Variants in ELMO1 observed in about 807,000 individuals in gnomAD.
The protein encoded by ELMO1 is engulfment and cell motility 1, also known as engulfment and cell motility protein 1.
ELMO1 carries 26 observed loss-of-function variants against 98.9 expected under a neutral mutation model. The ratio of observed to expected loss-of-function variants is 0.26; its 90% CI spans 0.19 to 0.36. The LOEUF is 0.36. Among genes scored for constraint, ELMO1 ranks in the 10% least tolerant of loss-of-function variants. ELMO1 has a pLI of 1.00. For missense variants in ELMO1, 627 were observed against 935.2 expected, an observed-to-expected ratio of 0.67 and a Z score of 4.30; for synonymous variants, 346 against 346.0, an observed-to-expected ratio of 1.00 and a Z score of 0.00.
intron 1 of ELMO1, among the ~76,000 whole-genome samples, chr7:37,365,868 T>C (rs1801885623): frequency 6.6e-6 from 1 of 152,246 alleles, no homozygotes; most frequent in Admixed American, 6.5e-5. Context: ...GTGCAGTGTT[T>C]TTAAGTTTCA....
chr7:37,185,957 A>G (rs1009945718), intron 13 of ELMO1, among the ~76,000 whole-genome samples: 3 of 152,226 alleles, frequency 2.0e-5, no homozygotes, highest in Non-Finnish European at 2.9e-5. Flanking sequence ...CGTAGAAATC[A>G]ACAAGACAAT....
intron 13 of ELMO1, among the ~76,000 whole-genome samples, chr7:37,163,884 C>T (rs1319715899): frequency 6.6e-6 from 1 of 152,186 alleles, no homozygotes; most frequent in Non-Finnish European, 1.5e-5. Flanking sequence ...AATGGTATTT[C>T]TAGTTCTAGA....
In ELMO1 at chr7:37,290,891, C is replaced by T. The variant is rs60635300; in HGVS notation, c.193-19009G>A. ...TGATGACAGAGAAGAAGAGGAAGAACAGAGGAAGAGAAAAAGAAGAACAAG... is the reference window on the plus strand; with the variant it reads ...TGATGACAGAGAAGAAGAGGAAGAATAGAGGAAGAGAAAAAGAAGAACAAG... On this transcript the variant is annotated intron_variant, in intron 4 of 21. Coordinates refer to ENST00000310758, the MANE Select transcript of ELMO1 (RefSeq NM_014800.11). Among the ~76,000 whole-genome samples, 1,339 of 151,256 alleles carry T rather than the reference C, an allele frequency of 8.9e-3. 20 individuals carry two copies. The highest frequency in any genetic ancestry group is 0.031 in the African/African-American group (1,291 of 41,140).
intron 14 of ELMO1, among the ~76,000 whole-genome samples, chr7:37,118,018 C>T (rs897998357): frequency 3.3e-5 from 5 of 152,196 alleles, no homozygotes; most frequent in Non-Finnish European, 7.3e-5. Context: ...GCTCTGTCAG[C>T]ACAATGGGAA....
chr7:37,335,834 C>T (rs1300724610), intron 2 of ELMO1, among the ~76,000 whole-genome samples: 2 of 152,172 alleles, frequency 1.3e-5, no homozygotes, highest in African/African-American at 2.4e-5. Flanking sequence ...TGGATCCCCT[C>T]GCCTGATGAG....
intron 1 of ELMO1, among the ~76,000 whole-genome samples, chr7:37,433,316 T>C (rs1805009606): frequency 6.6e-6 from 1 of 152,168 alleles, no homozygotes; most frequent in African/African-American, 2.4e-5. Flanking sequence ...CCGTGAGCCC[T>C]CCAGGCTACT....
chr7:36,907,071 A>G (rs1283685911), intron 16 of ELMO1, among the ~76,000 whole-genome samples: 1 of 152,094 alleles, frequency 6.6e-6, no homozygotes, highest in African/African-American at 2.4e-5. Context: ...GAATTTTAAA[A>G]TCCCTCATAC....
At position 36,895,695 on chromosome 7, in the gene ELMO1, G is replaced by A. The variant is rs562586473; in HGVS notation, c.1438-678C>T. Among the ~76,000 whole-genome samples the A allele has an allele frequency of 2.2e-4, 33 of 152,298 alleles. No homozygotes were observed. The South Asian group carries it at 6.8e-3, about 32-fold the overall frequency. ...TCAGGACAGTGCTAGCCCACAAGGAGGCAATTAACCACTGCCTCTATTAAT... is the reference window on the plus strand; with the variant it reads ...TCAGGACAGTGCTAGCCCACAAGGAAGCAATTAACCACTGCCTCTATTAAT... On this transcript the variant is annotated intron_variant, in intron 16 of 21. Transcript: ENST00000310758.
chr7:37,232,606 C>A (rs1794239418), intron 8 of ELMO1, among the ~76,000 whole-genome samples: 1 of 152,172 alleles, frequency 6.6e-6, no homozygotes, highest in Admixed American at 6.5e-5. Context: ...TTCCTTGCAC[C>A]CTGATTACAA....
chr7:37,325,351 G>A (rs1364291084), intron 2 of ELMO1, among the ~76,000 whole-genome samples: 1 of 152,238 alleles, frequency 6.6e-6, no homozygotes, highest in African/African-American at 2.4e-5. Context: ...AAGGCATGCA[G>A]TTAATGAACA....
intron 1 of ELMO1, chr7:37,375,616 C>A: frequency 8.7e-7 from 1 of 1,147,772 alleles, no homozygotes; most frequent in Non-Finnish European, 1.3e-6. Flanking sequence ...CATGCCTAAG[C>A]ACCAGGAGCT....
intron 5 of ELMO1, among the ~76,000 whole-genome samples, chr7:37,262,095 TTATTAATA>T (rs1796007971): frequency 1.3e-5 from 2 of 152,212 alleles, no homozygotes; most frequent in African/African-American, 2.4e-5. Flanking sequence ...ATACCTACTC[TTATTAATA>T]TATACTTTAT....
chr7:36,989,798 G>A (rs977282713), intron 16 of ELMO1, among the ~76,000 whole-genome samples: 10 of 151,990 alleles, frequency 6.6e-5, no homozygotes, highest in Non-Finnish European at 1.5e-4. Context: ...CATTCACTAG[G>A]GTAATACAGA....
intron 13 of ELMO1, among the ~76,000 whole-genome samples, chr7:37,197,377 G>A (rs1356393405): frequency 6.6e-6 from 1 of 152,090 alleles, no homozygotes; most frequent in East Asian, 1.9e-4. Context: ...AGAATCCCAC[G>A]CCATGAAGCC....
intron 15 of ELMO1, chr7:37,013,660 C>T (rs748501362): frequency 3.9e-6 from 2 of 507,172 alleles, no homozygotes; most frequent in Non-Finnish European, 3.5e-6. Flanking sequence ...TATTTTTGGA[C>T]TCATAAAAGT....
intron 8 of ELMO1, among the ~76,000 whole-genome samples, chr7:37,226,678 T>A (rs1351560551): frequency 2.0e-5 from 3 of 152,182 alleles, no homozygotes; most frequent in Admixed American, 2.0e-4. Flanking sequence ...CCTGCTTGTC[T>A]CTATTTATTA....
In ELMO1 at chr7:37,179,546, G is replaced by A. The variant is rs1790713605; in HGVS notation, c.1086+31840C>T. The stretch of plus-strand genomic sequence containing the variant: ...CCTGCCTCGGCCTCCCAAAGTGCTG[G>A]GATTACAGGCGTGAGCCACCGAGCC... On this transcript the variant is annotated intron_variant, in intron 13 of 21. Coordinates refer to ENST00000310758, the MANE Select transcript of ELMO1 (RefSeq NM_014800.11). 2.0e-5 allele frequency among the ~76,000 whole-genome samples: 3 copies of A among 152,114 alleles called. No individual in the cohort carries two copies. The South Asian group carries it at 6.2e-4, about 32-fold the overall frequency.
chr7:36,947,494 C>A (rs1787596771), intron 16 of ELMO1, among the ~76,000 whole-genome samples: 1 of 152,198 alleles, frequency 6.6e-6, no homozygotes, highest in African/African-American at 2.4e-5. Context: ...CACGTACTGA[C>A]CACATTCCCA....
intron 16 of ELMO1, among the ~76,000 whole-genome samples, chr7:36,933,792 A>T (rs1257125702): frequency 6.6e-6 from 1 of 152,132 alleles, no homozygotes. Flanking sequence ...CTGAGGCTTC[A>T]TGGCTGCAGG....
Sources: gnomAD v4.1 joint callset for allele counts (sites outside exome capture counted in the v4.1 genomes callset) on GRCh38, gnomAD v4.1.1 for gene constraint, MANE v1.5 for transcripts, NCBI Gene and HGNC (gene_info 2026-07-23, HGNC 2026-07-21) for gene names.